BARX2: variants seen among roughly 807,000 people sequenced by gnomAD.
The protein encoded by BARX2 is BARX homeobox 2.
Under a neutral mutation model 25.5 loss-of-function variants are expected in BARX2, and 11 were observed. The observed-to-expected ratio is 0.43, with a 90% CI of 0.27 to 0.71. The LOEUF (loss-of-function observed/expected upper bound fraction) is 0.71, where lower values mean the gene tolerates loss of function less well. Among genes scored for constraint, BARX2 ranks in the 30% least tolerant of loss-of-function variants. The pLI is 0.19. For synonymous variants in BARX2, 137 were observed against 149.5 expected, an observed-to-expected ratio of 0.92 and a Z score of 0.61; for missense variants, 360 against 359.9, an observed-to-expected ratio of 1.00 and a Z score of 0.00.
chr11:129,377,392 C>T lies in BARX2; in HGVS notation c.187+1170C>T, dbSNP rs371050879. Among the ~76,000 whole-genome samples the T allele has an allele frequency of 5.8e-4, 88 of 152,258 alleles. No homozygotes were observed. In the South Asian group the frequency reaches 0.017, roughly 30 times the overall value. ...TACATACAGTGAAGTTCTTTTAAAA[C>T]CAAATTGTTCCTACATGTATTTGGT... On this transcript the variant is annotated intron_variant, in intron 1 of 3. Coordinates refer to ENST00000281437, the MANE Select transcript of BARX2 (RefSeq NM_003658.5).
intron 2 of BARX2, among the ~76,000 whole-genome samples, chr11:129,438,744 G>A (rs1862222387): frequency 1.3e-5 from 2 of 152,204 alleles, no homozygotes; most frequent in Non-Finnish European, 2.9e-5. Context: ...AAGGGATCAT[G>A]GGGAAGGAAC....
Position 129,451,529 on chromosome 11 carries a change from T to TC in BARX2, c.*130dup, listed in dbSNP as rs60183112. 315,100 of 1,078,598 alleles carry TC rather than the reference T, an allele frequency of 0.29. 50,983 individuals carry two copies. Among genetic ancestry groups the TC allele is most frequent in the East Asian group, 0.46 (17,779 of 38,276 alleles). 66.8% of individuals were successfully genotyped at this position (1,078,598 alleles called of 1,614,324 possible). ...GGGCGAAGAGATCTACCCGTCTCCC[T>TC]CCCTCCCACAGTTACCATTGGCCTT... On this transcript the variant is annotated 3_prime_UTR_variant, in exon 4 of 4. Coordinates refer to ENST00000281437, the MANE Select transcript of BARX2 (RefSeq NM_003658.5).
At chr11:129,439,452 C>T (rs1862231548) in intron 2 of BARX2, among the ~76,000 whole-genome samples, 1 of 152,138 alleles carries the variant, frequency 6.6e-6, no homozygotes, top group African/African-American at 2.4e-5. Flanking sequence ...CAAACAGGCC[C>T]TGGTGTGTGA....
rs1369252683 is a variant in BARX2 at position 129,451,538 on chromosome 11, C to T, written c.*136C>T. The T allele has an allele frequency of 2.0e-6, 2 of 1,020,872 alleles. No homozygotes were observed. Among genetic ancestry groups the T allele is most frequent in the African/African-American group, 1.6e-5 (1 of 60,994 alleles). The allele number at this position is 1,020,872 out of a possible 1,614,324, so 63.2% of individuals were successfully genotyped here. ...GATCTACCCGTCTCCCTCCCTCCCACAGTTACCATTGGCCTTGTCATCGCA... is the reference window on the plus strand; with the variant it reads ...GATCTACCCGTCTCCCTCCCTCCCATAGTTACCATTGGCCTTGTCATCGCA... On this transcript the variant is annotated 3_prime_UTR_variant, in exon 4 of 4. Transcript: ENST00000281437.
At chr11:129,396,649 G>A (rs1861724049) in intron 1 of BARX2, among the ~76,000 whole-genome samples, 1 of 152,146 alleles carries the variant, frequency 6.6e-6, no homozygotes, top group Admixed American at 6.5e-5. Flanking sequence ...GGGACGGGGT[G>A]AGGTGGCAGC....
rs375798636 is a variant in BARX2, at chr11:129,399,797, A to C, written c.187+23575A>C. Among the ~76,000 whole-genome samples, 65 of 152,278 alleles carry C rather than the reference A, an allele frequency of 4.3e-4. No homozygotes were observed. The South Asian group carries it at 0.012, about 29-fold the overall frequency. On this transcript the variant is annotated intron_variant, in intron 1 of 3. Transcript: ENST00000281437. ...GGAAAAGGGTAGTAACTTACAAGTCATTGGGTCATTGCCATGGAAAGGGGT... is the reference window on the plus strand; with the variant it reads ...GGAAAAGGGTAGTAACTTACAAGTCCTTGGGTCATTGCCATGGAAAGGGGT...
At chr11:129,415,573 A>G (rs1591438090) in intron 1 of BARX2, among the ~76,000 whole-genome samples, 1 of 152,162 alleles carries the variant, frequency 6.6e-6, no homozygotes, top group Non-Finnish European at 1.5e-5. Context: ...CTCCCCAGGA[A>G]ACATCAGATG....
chr11:129,387,392 G>A (rs1317237939), intron 1 of BARX2, among the ~76,000 whole-genome samples: 1 of 152,170 alleles, frequency 6.6e-6, no homozygotes, highest in East Asian at 1.9e-4. Flanking sequence ...TCCTCTGTCT[G>A]GAACTACTTA....
At chr11:129,406,891 TA>T (rs909363615) in intron 1 of BARX2, among the ~76,000 whole-genome samples, 3 of 152,168 alleles carry the variant, frequency 2.0e-5, no homozygotes, top group African/African-American at 4.8e-5. Context: ...AAAATCAGGT[TA>T]AAAAAATGCA....
Position 129,436,226 on chromosome 11 carries a change from G to A in BARX2, c.188-525G>A, listed in dbSNP as rs1239663369. On this transcript the variant is annotated intron_variant, in intron 1 of 3. Coordinates refer to ENST00000281437, the MANE Select transcript of BARX2 (RefSeq NM_003658.5). This position sits in a 1 kb window ranked among gnomAD's most constrained non-coding sequence, Gnocchi z 4.5. ...GGGCAATTTACTCCCTCTGAGATGAGAAAGTTGAATTAAATAATCCGAAAG... is the reference window on the plus strand; with the variant it reads ...GGGCAATTTACTCCCTCTGAGATGAAAAAGTTGAATTAAATAATCCGAAAG... 6.5e-6 allele frequency: 1 copy of A among 152,802 alleles called. No individual in the cohort carries two copies. Among genetic ancestry groups the A allele is most frequent in the Non-Finnish European group, 1.5e-5 (1 of 68,468 alleles). The allele number at this position is 152,802 out of a possible 1,614,324, so 9.5% of individuals were successfully genotyped here. A position where few individuals can be genotyped will look rare whatever the true frequency, so the allele number is the denominator to read the frequency against.
intron 1 of BARX2, among the ~76,000 whole-genome samples, chr11:129,402,031 T>TC (rs950483632): frequency 6.8e-6 from 1 of 147,460 alleles, no homozygotes; most frequent in Non-Finnish European, 1.5e-5. Flanking sequence ...TTTTTTTTTT[T>TC]CAGATAAAAT....
chr11:129,407,895 C>T (rs889025231), intron 1 of BARX2, among the ~76,000 whole-genome samples: 1 of 151,608 alleles, frequency 6.6e-6, no homozygotes, highest in Non-Finnish European at 1.5e-5. Flanking sequence ...GAGGATTTGG[C>T]GCCTCTGTTA....
intron 1 of BARX2, among the ~76,000 whole-genome samples, chr11:129,424,070 G>A (rs1032245421): frequency 3.3e-5 from 5 of 152,200 alleles, no homozygotes; most frequent in South Asian, 4.2e-4. Context: ...GGCTGGCCTC[G>A]AACTCTTGAC....
chr11:129,442,602 G>A, intron 2 of BARX2: 2 of 510,580 alleles, frequency 3.9e-6, no homozygotes, highest in Admixed American at 3.1e-5. Flanking sequence ...TTTCAGGATG[G>A]GGACTGGCCC....
chr11:129,426,900 T>C (rs1184589933), intron 1 of BARX2, among the ~76,000 whole-genome samples: 1 of 152,036 alleles, frequency 6.6e-6, no homozygotes, highest in Non-Finnish European at 1.5e-5. Flanking sequence ...TCCTCTGACT[T>C]CTCTGAGCTC....
chr11:129,395,503 G>A (rs181724604), intron 1 of BARX2, among the ~76,000 whole-genome samples: 6 of 152,292 alleles, frequency 3.9e-5, no homozygotes, highest in African/African-American at 1.2e-4. Context: ...TTAGTGGGCC[G>A]TGAGTTCCGT....
At chr11:129,423,781 G>T (rs1862034422) in intron 1 of BARX2, among the ~76,000 whole-genome samples, 1 of 151,886 alleles carries the variant, frequency 6.6e-6, no homozygotes, top group Non-Finnish European at 1.5e-5. Context: ...TTCTATTGAT[G>T]ATTTCCTCTT....
chr11:129,444,127 G>T (rs888971400), intron 3 of BARX2, among the ~76,000 whole-genome samples: 1 of 151,948 alleles, frequency 6.6e-6, no homozygotes, highest in African/African-American at 2.4e-5. Flanking sequence ...AAAAGTCAGT[G>T]GATAGATGTT....
chr11:129,405,004 A>G (rs1490716254), intron 1 of BARX2, among the ~76,000 whole-genome samples: 1 of 152,220 alleles, frequency 6.6e-6, no homozygotes, highest in Non-Finnish European at 1.5e-5. Context: ...TGTGGGTTAT[A>G]TATACATCCA....
Sources: allele counts gnomAD v4.1 joint callset (sites outside exome capture counted in the v4.1 genomes callset), GRCh38; gene constraint gnomAD v4.1.1; non-coding constraint Gnocchi (gnomAD v3.1); transcripts MANE v1.5; gene names NCBI Gene and HGNC (gene_info 2026-07-23, HGNC 2026-07-21).